Variants in PTPRCAP observed in about 807,000 individuals in gnomAD.
The protein encoded by PTPRCAP is protein tyrosine phosphatase receptor type C-associated protein.
For synonymous variants in PTPRCAP, 136 were observed against 135.8 expected (o/e 1.00, Z -0.01); for missense variants, 294 against 285.5 (o/e 1.03, Z -0.22).
In PTPRCAP at chr11:67,435,719, A is replaced by AC. The variant is rs747395479; in HGVS notation, c.*13dup. Reference sequence around the variant, plus strand: ...TGAGCGGCTGTGACAGGGATGGGACACCAAGACCGGCCTCTACAGTGCGGT... The same window carrying AC: ...TGAGCGGCTGTGACAGGGATGGGACACCCAAGACCGGCCTCTACAGTGCGGT... On this transcript the variant is annotated 3_prime_UTR_variant, in exon 2 of 2. Coordinates refer to ENST00000326294, the MANE Select transcript of PTPRCAP (RefSeq NM_005608.3). The AC allele has an allele frequency of 6.0e-6, 9 of 1,504,734 alleles. No individual in the cohort carries two copies. The highest frequency in any genetic ancestry group is 8.0e-6 in the Non-Finnish European group (9 of 1,131,152). The allele number at this position is 1,504,734 out of a possible 1,614,324, so 93.2% of individuals were successfully genotyped here. A position where few individuals can be genotyped will look rare whatever the true frequency, so the allele number is the denominator to read the frequency against.
rs200426997 is a variant in PTPRCAP at position 67,436,119 on chromosome 11, G to C, written c.235C>G (p.Arg79Gly). 1.3e-6 allele frequency: 2 copies of C among 1,597,104 alleles called. No individual in the cohort carries two copies. The highest frequency in any genetic ancestry group is 1.7e-6 in the Non-Finnish European group (2 of 1,171,820). ...RLGAALWGRT[R>G]RLLWASPPGR... ...GGGGGGCTGGCCCAGAGCAGGCGCC[G>C]CGTGCGGCCCCACAGCGCGGCACCT... Residue 79 changes from arginine (R) to glycine (G), a missense_variant, in exon 2 of 2, where the codon CGG becomes GGG. Physicochemically the swap from Arg to Gly is moderately radical, Grantham distance 125. Coordinates refer to ENST00000326294, the MANE Select transcript of PTPRCAP (RefSeq NM_005608.3).
At position 67,437,649 on chromosome 11, in the gene PTPRCAP, C is replaced by T. The variant is rs779461827; in HGVS notation, c.-30G>A. On this transcript the variant is annotated 5_prime_UTR_variant, in exon 1 of 2. Transcript: ENST00000326294. ...CCGCAGGCCCCTCCGTGCCGGGCAC[C>T]CACCTCCAGCTCTGGCTGTGTCGAG... 1.5e-6 allele frequency: 2 copies of T among 1,362,846 alleles called. No individual in the cohort carries two copies. The highest frequency in any genetic ancestry group is 5.9e-5 in the Admixed American group (2 of 34,182). 84.4% of individuals were successfully genotyped at this position (1,362,846 alleles called of 1,614,324 possible).
rs953662648 is a variant in PTPRCAP, at chr11:67,435,632, T to C, written c.*101A>G. ...TGGTAGGGGGTGACAGTCTGAGGCA[T>C]GGTCATGTGGGCTGGGGGTCCAGTC... On this transcript the variant is annotated 3_prime_UTR_variant, in exon 2 of 2. Transcript: ENST00000326294. The C allele has an allele frequency of 1.0e-5, 15 of 1,474,228 alleles. No individual in the cohort carries two copies. The Admixed American group carries it at 3.3e-4, about 33-fold the overall frequency. 91.3% of individuals were successfully genotyped at this position (1,474,228 alleles called of 1,614,324 possible).
chr11:67,435,586 G>T lies in PTPRCAP; in HGVS notation c.*147C>A, dbSNP rs1485886417. The T allele has an allele frequency of 1.6e-6, 2 of 1,244,166 alleles. No individual in the cohort carries two copies. The highest frequency in any genetic ancestry group is 1.5e-5 in the African/African-American group (1 of 66,418). The allele number at this position is 1,244,166 out of a possible 1,614,324, so 77.1% of individuals were successfully genotyped here. On this transcript the variant is annotated 3_prime_UTR_variant, in exon 2 of 2. Coordinates refer to ENST00000326294, the MANE Select transcript of PTPRCAP (RefSeq NM_005608.3). ...GGGGGGCCGTTCCCGTGGTGAGCGGGGTACACATGGACTTGGGAACTGGTA... is the reference window on the plus strand; with the variant it reads ...GGGGGGCCGTTCCCGTGGTGAGCGGTGTACACATGGACTTGGGAACTGGTA...
intron 1 of PTPRCAP, chr11:67,436,590 G>T (rs1268599624): frequency 1.4e-5 from 6 of 434,484 alleles, no homozygotes; most frequent in Non-Finnish European, 2.4e-5. Context: ...TAAGCCACCT[G>T]CCTGGGGCCT....
chr11:67,437,334 G>A, intron 1 of PTPRCAP: 1 of 367,832 alleles, frequency 2.7e-6, no homozygotes, highest in Non-Finnish European at 4.8e-6. Flanking sequence ...TGTCCGCCCA[G>A]GCTCCAGGAA....
chr11:67,436,429 C>G, intron 1 of PTPRCAP, 79 bp from the exon 2 acceptor site: 1 of 1,404,840 alleles, frequency 7.1e-7, no homozygotes. Context: ...GTGACCAAGA[C>G]CACTTTCGTT....
intron 1 of PTPRCAP, 52 bp from the exon 2 acceptor site, chr11:67,436,402 G>C: frequency 7.0e-7 from 1 of 1,423,848 alleles, no homozygotes; most frequent in Non-Finnish European, 9.1e-7. Context: ...GGTGGGGCCT[G>C]GTGTGGGGCA....
Position 67,436,303 on chromosome 11 carries a change from C to T in PTPRCAP, c.51G>A (p.Gly17=). The T allele has an allele frequency of 6.5e-7, 1 of 1,526,918 alleles. No homozygotes were observed. The highest frequency in any genetic ancestry group is 8.8e-7 in the Non-Finnish European group (1 of 1,140,184). 94.6% of individuals were successfully genotyped at this position (1,526,918 alleles called of 1,614,324 possible). A position where few individuals can be genotyped will look rare whatever the true frequency, so the allele number is the denominator to read the frequency against. ...LGLGMLLALP[G]ALGSGGSAED... ...CCGCGCTGCCACCCGAGCCCAAGGC[C>T]CCTGGCAGGGCCAGCAGCATCCCGA... is the stretch of plus-strand genomic sequence containing the variant. Residue 17 remains glycine, a synonymous_variant, in exon 2 of 2, where the codon GGG becomes GGA. Transcript: ENST00000326294.
At position 67,435,971 on chromosome 11, in the gene PTPRCAP, C is replaced by T. The variant is rs60969594; in HGVS notation, c.383G>A (p.Gly128Glu). Residue 128 changes from glycine (G) to glutamate (E), a missense_variant, in exon 2 of 2, where the codon GGG (glycine) becomes GAG (glutamate). Physicochemically the swap from Gly to Glu is moderately conservative, Grantham distance 98 (BLOSUM62 -2). Transcript: ENST00000326294. ...CTCTCCACATTGCTGCTCGCCTTCC[C>T]CAGGGTCAGCCTGCAGGCCACCATC... ...VADGGLQADPGEGEQQCGEAS... is the reference protein window; with the variant it reads ...VADGGLQADPEEGEQQCGEAS... 31,384 of 1,613,734 alleles carry T rather than the reference C, an allele frequency of 0.019. 373 individuals carry two copies. Among genetic ancestry groups the T allele is most frequent in the Non-Finnish European group, 0.022 (26,472 of 1,179,922 alleles).
intron 1 of PTPRCAP, 50 bp downstream of exon 1, chr11:67,437,562 AGCCCC>A: frequency 7.5e-7 from 1 of 1,337,508 alleles, no homozygotes; most frequent in Non-Finnish European, 9.7e-7. Context: ...CAGACATTCT[AGCCCC>A]GACCGCCTGT....
intron 1 of PTPRCAP, chr11:67,437,223 G>A (rs1479744910): frequency 1.1e-5 from 2 of 183,854 alleles, no homozygotes; most frequent in African/African-American, 2.3e-5. Context: ...TGGGGGAGGC[G>A]GGCGCAGCTG....
Position 67,435,622 on chromosome 11 carries a change from G to A in PTPRCAP, c.*111C>T. ...ACTTGGGAACTGGTAGGGGGTGACA[G>A]TCTGAGGCATGGTCATGTGGGCTGG... On this transcript the variant is annotated 3_prime_UTR_variant, in exon 2 of 2. Coordinates refer to ENST00000326294, the MANE Select transcript of PTPRCAP (RefSeq NM_005608.3). 6.8e-7 allele frequency: 1 copy of A among 1,460,090 alleles called. No homozygotes were observed. Among genetic ancestry groups the A allele is most frequent in the Non-Finnish European group, 9.1e-7 (1 of 1,102,864 alleles). The allele number at this position is 1,460,090 out of a possible 1,614,324, so 90.4% of individuals were successfully genotyped here. A position where few individuals can be genotyped will look rare whatever the true frequency, so the allele number is the denominator to read the frequency against.
At position 67,435,654 on chromosome 11, in the gene PTPRCAP, A is replaced by C; in HGVS notation, c.*79T>G. 1.3e-6 allele frequency: 2 copies of C among 1,488,516 alleles called. No individual in the cohort carries two copies. Among genetic ancestry groups the C allele is most frequent in the Non-Finnish European group, 1.8e-6 (2 of 1,125,314 alleles). 92.2% of individuals were successfully genotyped at this position (1,488,516 alleles called of 1,614,324 possible). A position where few individuals can be genotyped will look rare whatever the true frequency, so the allele number is the denominator to read the frequency against. On this transcript the variant is annotated 3_prime_UTR_variant, in exon 2 of 2. Transcript: ENST00000326294. ...GCATGGTCATGTGGGCTGGGGGTCC[A>C]GTCCAGCCATGGCATCTTGGGAAGC...
Position 67,436,167 on chromosome 11 carries a change from C to T in PTPRCAP, c.187G>A (p.Gly63Ser). The T allele has an allele frequency of 1.3e-6, 2 of 1,563,726 alleles. No individual in the cohort carries two copies. The highest frequency in any genetic ancestry group is 1.7e-6 in the Non-Finnish European group (2 of 1,154,794). The change falls in exon 2 of 2, where the codon GGC (glycine) becomes AGC (serine). Residue 63 changes from glycine to serine, a missense_variant. By Grantham distance (56) the Gly-to-Ser change is moderately conservative. Coordinates refer to ENST00000326294, the MANE Select transcript of PTPRCAP (RefSeq NM_005608.3). ...AWRRLSRDSG[G>S]YYHPARLGAA... ...CCTAGGCGGGCCGGGTGGTAGTAGC[C>T]CCCTGAGTCACGGCTGAGGCGGCGC...
chr11:67,435,563 G>A lies in PTPRCAP; in HGVS notation c.*170C>T. Reference sequence around the variant, plus strand: ...GGTTGCCTGATGCCTGTGGTTGGGGGGGGCCGTTCCCGTGGTGAGCGGGGT... The same window carrying A: ...GGTTGCCTGATGCCTGTGGTTGGGGAGGGCCGTTCCCGTGGTGAGCGGGGT... On this transcript the variant is annotated 3_prime_UTR_variant, in exon 2 of 2. Coordinates refer to ENST00000326294, the MANE Select transcript of PTPRCAP (RefSeq NM_005608.3). 9.9e-7 allele frequency: 1 copy of A among 1,010,234 alleles called. No homozygotes were observed. Among genetic ancestry groups the A allele is most frequent in the Non-Finnish European group, 1.4e-6 (1 of 719,226 alleles). The allele number at this position is 1,010,234 out of a possible 1,614,324, so 62.6% of individuals were successfully genotyped here.
chr11:67,435,680 A>G lies in PTPRCAP; in HGVS notation c.*53T>C, dbSNP rs1864251159. 2.7e-6 allele frequency: 4 copies of G among 1,494,042 alleles called. No individual in the cohort carries two copies. The highest frequency in any genetic ancestry group is 3.5e-6 in the Non-Finnish European group (4 of 1,128,662). 92.5% of individuals were successfully genotyped at this position (1,494,042 alleles called of 1,614,324 possible). A position where few individuals can be genotyped will look rare whatever the true frequency, so the allele number is the denominator to read the frequency against. ...GTCCAGCCATGGCATCTTGGGAAGC[A>G]GAGGCACGGGGAGTGAGCGGCTGTG... On this transcript the variant is annotated 3_prime_UTR_variant, in exon 2 of 2. Transcript: ENST00000326294.
rs1326397912 is a variant in PTPRCAP at position 67,436,324 on chromosome 11, C to T, written c.30G>A (p.Gly10=). The T allele has an allele frequency of 1.5e-5, 23 of 1,509,106 alleles. No individual in the cohort carries two copies. The highest frequency in any genetic ancestry group is 7.3e-5 in the East Asian group (3 of 40,818). 93.5% of individuals were successfully genotyped at this position (1,509,106 alleles called of 1,614,324 possible). ...AGGCCCCTGGCAGGGCCAGCAGCAT[C>T]CCGAGCCCTAAGGTGCAGGGCAGAG... MALPCTLGL[G]MLLALPGALG... The change falls in exon 2 of 2, where the codon GGG becomes GGA. Residue 10 remains glycine, a synonymous_variant. Coordinates refer to ENST00000326294, the MANE Select transcript of PTPRCAP (RefSeq NM_005608.3).
At chr11:67,436,724 T>G in intron 1 of PTPRCAP, 1 of 220,036 alleles carries the variant, frequency 4.5e-6, no homozygotes, top group Non-Finnish European at 8.9e-6. Flanking sequence ...GACCTTAACC[T>G]CTACCCTGAT....
Sources: gnomAD v4.1 joint callset for allele counts on GRCh38, gnomAD v4.1.1 for gene constraint, MANE v1.5 for transcripts, NCBI Gene and HGNC (gene_info 2026-07-23, HGNC 2026-07-21) for gene names.